The following DOCK4 variants were observed in gnomAD, a reference collection of about 807,000 sequenced individuals.
DOCK4 encodes the protein dedicator of cytokinesis protein 4.
Under a neutral mutation model 268.1 loss-of-function variants are expected in DOCK4, and 97 were observed. That is an observed-to-expected ratio of 0.36 (90% CI 0.31 to 0.43). DOCK4 has a LOEUF of 0.43. Ranked by LOEUF, DOCK4 falls within the 20% of genes least tolerant of loss-of-function variation. The probability of loss-of-function intolerance (pLI) is 1.00; values close to 1 mark genes in which losing one functional copy is unlikely to be tolerated. For missense variants in DOCK4, 2,145 were observed against 2,455.7 expected, an observed-to-expected ratio of 0.87 and a Z score of 2.67; for synonymous variants, 954 against 887.2, an observed-to-expected ratio of 1.08 and a Z score of -1.34.
chr7:111,876,284 T>G (rs1806864290), intron 17 of DOCK4, among the ~76,000 whole-genome samples: 1 of 152,190 alleles, frequency 6.6e-6, no homozygotes, highest in African/African-American at 2.4e-5. Flanking sequence ...TCTTTTTTTC[T>G]GAGACTATGA....
intron 23 of DOCK4, among the ~76,000 whole-genome samples, chr7:111,857,745 G>A (rs184328509): frequency 1.3e-5 from 2 of 151,400 alleles, no homozygotes; most frequent in African/African-American, 4.9e-5. Context: ...TCGCTATCAC[G>A]CCCTAAACTA....
At chr7:111,925,711 C>T (rs547987386) in intron 12 of DOCK4, among the ~76,000 whole-genome samples, 66 of 152,298 alleles carry the variant, frequency 4.3e-4, no homozygotes, top group African/African-American at 1.2e-3. Flanking sequence ...TAGATACTTA[C>T]GCTATTAATG....
intron 39 of DOCK4, among the ~76,000 whole-genome samples, chr7:111,762,762 C>CTTTT (rs869052136): frequency 0.025 from 1,586 of 62,974 alleles, 183 homozygotes; most frequent in Non-Finnish European, 0.032. Context: ...GTTTTGTTTT[C>CTTTT]TTTTTTTTTT....
At position 112,192,104 on chromosome 7, in the gene DOCK4, A is replaced by T. The variant is rs1306573772; in HGVS notation, c.37+13998T>A. 2.7e-5 allele frequency among the ~76,000 whole-genome samples: 4 copies of T among 150,728 alleles called. No individual in the cohort carries two copies. The East Asian group carries it at 7.7e-4, about 29-fold the overall frequency. Reference sequence around the variant, plus strand: ...ATATAGTGTGCATTTATATATAATTATATACTATAGTTTCTATTTATCCTT... The same window carrying T: ...ATATAGTGTGCATTTATATATAATTTTATACTATAGTTTCTATTTATCCTT... On this transcript the variant is annotated intron_variant, in intron 1 of 52. Coordinates refer to ENST00000428084, the MANE Select transcript of DOCK4 (RefSeq NM_001363540.2).
intron 47 of DOCK4, 50 bp from the exon 48 acceptor site, chr7:111,739,527 C>T (rs375328989): frequency 8.4e-5 from 119 of 1,418,102 alleles, no homozygotes; most frequent in Non-Finnish European, 1.0e-4. Flanking sequence ...AGGCTTCCCA[C>T]GACACTGACG....
intron 15 of DOCK4, 53 bp from the exon 16 acceptor site, chr7:111,895,771 A>C: frequency 6.6e-7 from 1 of 1,516,980 alleles, no homozygotes; most frequent in East Asian, 2.3e-5. Flanking sequence ...TCAGGTACAT[A>C]GTTTGTCAAG....
intron 1 of DOCK4, among the ~76,000 whole-genome samples, chr7:112,170,610 G>A (rs1319548364): frequency 6.6e-6 from 1 of 152,016 alleles, no homozygotes; most frequent in African/African-American, 2.4e-5. Context: ...AAATGGTCAA[G>A]CTATATTCAG....
chr7:112,128,958 T>C (rs906405081), intron 1 of DOCK4, among the ~76,000 whole-genome samples: 1 of 152,102 alleles, frequency 6.6e-6, no homozygotes. Flanking sequence ...CTGGTGAAAA[T>C]GTAGAATAGA....
chr7:111,987,641 G>C (rs951507113), intron 6 of DOCK4, among the ~76,000 whole-genome samples: 3 of 152,200 alleles, frequency 2.0e-5, no homozygotes, highest in African/African-American at 7.2e-5. Flanking sequence ...TAATCTGTTA[G>C]GAGGTGCTGT....
At chr7:111,890,201 TTTTTA>T (rs1413265548) in intron 16 of DOCK4, among the ~76,000 whole-genome samples, 3 of 152,232 alleles carry the variant, frequency 2.0e-5, no homozygotes, top group Admixed American at 6.5e-5. Flanking sequence ...TACTCATTCT[TTTTTA>T]TTTTATTTTT....
At chr7:111,855,760 C>T (rs10231015) in intron 23 of DOCK4, among the ~76,000 whole-genome samples, 49,157 of 151,962 alleles carry the variant, frequency 0.32, 8,034 homozygotes, top group East Asian at 0.35. Flanking sequence ...ATTATTTGTT[C>T]GACATCTACT....
Position 112,000,500 on chromosome 7 carries a change from A to C in DOCK4, c.156T>G (p.Asn52Lys), listed in dbSNP as rs754707213. The C allele has an allele frequency of 2.0e-6, 3 of 1,527,590 alleles. No homozygotes were observed. In the Admixed American group the frequency reaches 5.3e-5, roughly 27 times the overall value. The allele number at this position is 1,527,590 out of a possible 1,614,324, so 94.6% of individuals were successfully genotyped here. ...TAGAAATAACAATTTTTACCTTGAT[A>C]TTTGGGTTTTTTAAGGCAAATCCTC... ...WYRGFALKNPNIKGIFPSSYV... is the reference protein window; with the variant it reads ...WYRGFALKNPKIKGIFPSSYV... Residue 52 changes from asparagine (N) to lysine (K), a missense_variant, in exon 3 of 53, where the codon AAT becomes AAG. By Grantham distance (94) the Asn-to-Lys change is moderately conservative. Around this residue, in one of 2 missense-constraint regions of DOCK4, gnomAD observed 1,598 missense variants for 1,986.7 expected, o/e 0.80. Transcript: ENST00000428084.
chr7:112,181,128 A>G (rs1228339759), intron 1 of DOCK4, among the ~76,000 whole-genome samples: 2 of 152,192 alleles, frequency 1.3e-5, no homozygotes, highest in Middle Eastern at 3.2e-3. Flanking sequence ...GATAATATCC[A>G]ATGTTGGCAA....
At chr7:111,784,234 CAA>C in intron 32 of DOCK4, 111 bp from the exon 33 acceptor site, 2 of 1,249,140 alleles carry the variant, frequency 1.6e-6, no homozygotes, top group South Asian at 2.6e-5. Flanking sequence ...TCTCACAGCT[CAA>C]AGACATTTTT....
Position 111,728,594 on chromosome 7 carries a change from C to T in DOCK4, c.5608G>A (p.Glu1870Lys), listed in dbSNP as rs1794834050. The T allele has an allele frequency of 6.2e-7, 1 of 1,613,926 alleles. No homozygotes were observed. The highest frequency in any genetic ancestry group is 8.5e-7 in the Non-Finnish European group (1 of 1,179,902). ...ACCTGATTTTCAAAGCCTGAGGTTT[C>T]CGACGTGCTGCACCGGCTGAGAGAA... Reference protein sequence around the residue: ...ISSLSRCSTSETSGFENQVNE... With the variant: ...ISSLSRCSTSKTSGFENQVNE... The change falls in exon 53 of 53, where the codon GAA becomes AAA. Residue 1870 changes from glutamate to lysine, a missense_variant. Transcript: ENST00000428084.
At chr7:111,822,158 T>C (rs1157103782) in intron 27 of DOCK4, among the ~76,000 whole-genome samples, 1 of 152,174 alleles carries the variant, frequency 6.6e-6, no homozygotes, top group African/African-American at 2.4e-5. Context: ...TCAATGCATA[T>C]GCTATTATGT....
At chr7:111,758,161 A>G (rs1487905131) in intron 41 of DOCK4, among the ~76,000 whole-genome samples, 1 of 152,192 alleles carries the variant, frequency 6.6e-6, no homozygotes, top group East Asian at 1.9e-4. Flanking sequence ...TACCCAACGT[A>G]CCAGCAGTCT....
intron 37 of DOCK4, among the ~76,000 whole-genome samples, chr7:111,769,225 G>A (rs1370292115): frequency 3.9e-5 from 6 of 152,156 alleles, no homozygotes; most frequent in Admixed American, 3.9e-4. Flanking sequence ...GTTTATCAAA[G>A]TGTAATGAAA....
chr7:111,896,316 C>G (rs757799312), intron 15 of DOCK4, among the ~76,000 whole-genome samples: 1 of 152,104 alleles, frequency 6.6e-6, no homozygotes, highest in Non-Finnish European at 1.5e-5. Flanking sequence ...GCTCACTACT[C>G]TGGAAGCCGG....
Sources: gnomAD v4.1 joint callset for allele counts (sites outside exome capture counted in the v4.1 genomes callset) on GRCh38, gnomAD v4.1.1 for gene constraint, gnomAD v4.1.1 regional missense constraint, MANE v1.5 for transcripts, NCBI Gene and HGNC (gene_info 2026-07-23, HGNC 2026-07-21) for gene names.